NEBL: variants seen among roughly 807,000 people sequenced by gnomAD.
NEBL encodes the protein LIM and SH3 protein 2.
In NEBL, 122 loss-of-function variants were observed where a neutral mutation model predicts 140.2. That is an observed-to-expected ratio of 0.87 (90% confidence interval 0.75 to 1.01). The LOEUF is 1.01. Ranked by LOEUF, NEBL falls within the 50% of genes least tolerant of loss-of-function variation. The pLI, the probability that NEBL is intolerant of heterozygous loss-of-function variation, is 0.00. For synonymous variants in NEBL, 436 were observed against 398.9 expected (o/e 1.09, Z -1.11); for missense variants, 1,365 against 1,231.3 (o/e 1.11, Z -1.62).
In NEBL at chr10:20,933,590, C is replaced by T. The variant is rs182562266; in HGVS notation, c.357+28082G>A. On this transcript the variant is annotated intron_variant, in intron 4 of 6. Transcript: ENST00000417816. ...TTCTACTAAAAATACAAAAATTAGC[C>T]GGGTGTGGTGGCACGTGCCTGTAAT... Among the ~76,000 whole-genome samples the T allele has an allele frequency of 9.0e-4, 126 of 140,742 alleles. 1 individual carries two copies. The highest frequency in any genetic ancestry group is 2.9e-3 in the African/African-American group (115 of 39,488). 92.3% of individuals were successfully genotyped at this position (140,742 alleles called of 152,430 possible). A position where few individuals can be genotyped will look rare whatever the true frequency, so the allele number is the denominator to read the frequency against.
chr10:20,930,443 C>A (rs1361027589), intron 4 of NEBL, among the ~76,000 whole-genome samples: 1 of 152,170 alleles, frequency 6.6e-6, no homozygotes, highest in African/African-American at 2.4e-5. Context: ...ACCATAAAAC[C>A]CATTTTTCCT....
chr10:21,264,280 C>T (rs1490542158), intron 1 of NEBL, among the ~76,000 whole-genome samples: 19 of 152,024 alleles, frequency 1.2e-4, no homozygotes, highest in Admixed American at 1.2e-3. Flanking sequence ...AAGAGCATCT[C>T]TCATCTGCCC....
chr10:20,836,353 G>C (rs551722430), intron 13 of NEBL, among the ~76,000 whole-genome samples: 2 of 151,960 alleles, frequency 1.3e-5, no homozygotes, highest in Non-Finnish European at 2.9e-5. Context: ...CTCCCGAATA[G>C]CTGGGACTAC....
At chr10:20,818,700 T>C (rs1438947825) in intron 20 of NEBL, 4 of 760,154 alleles carry the variant, frequency 5.3e-6, no homozygotes, top group Non-Finnish European at 4.8e-6. Context: ...AAAGTGGGTC[T>C]TACCCATCTT....
intron 12 of NEBL, among the ~76,000 whole-genome samples, chr10:20,843,275 G>A (rs1427632934): frequency 1.3e-5 from 2 of 151,988 alleles, no homozygotes; most frequent in East Asian, 3.8e-4. Context: ...CCTTGATCTT[G>A]GACTTCCCAG....
chr10:21,245,230 A>G (rs1842500519), intron 3 of NEBL, among the ~76,000 whole-genome samples: 1 of 152,220 alleles, frequency 6.6e-6, no homozygotes, highest in African/African-American at 2.4e-5. Flanking sequence ...TCTGGGAAGA[A>G]GGAGAGAATA....
intron 3 of NEBL, among the ~76,000 whole-genome samples, chr10:21,209,302 A>G (rs891759097): frequency 3.3e-5 from 5 of 152,216 alleles, no homozygotes; most frequent in Admixed American, 3.3e-4. Flanking sequence ...TGCCAGATAA[A>G]ACACAGGACG....
intron 11 of NEBL, among the ~76,000 whole-genome samples, chr10:20,845,910 A>T (rs1841892076): frequency 6.6e-6 from 1 of 152,124 alleles, no homozygotes; most frequent in Non-Finnish European, 1.5e-5. Context: ...AGTTGAGAAT[A>T]TTTCTCTACC....
intron 2 of NEBL, among the ~76,000 whole-genome samples, chr10:21,149,770 G>C (rs930846052): frequency 2.0e-5 from 3 of 152,198 alleles, no homozygotes; most frequent in Non-Finnish European, 4.4e-5. Flanking sequence ...AGTGGGTGAC[G>C]GGGGCGGTCT....
rs902697228 is a variant in NEBL at position 20,780,079 on chromosome 10, T to C, written c.*5668A>G. ...GAGAAAGTTTTACAAAATAATACAA[T>C]AAGACTAGCATCCAAATCGCATAGA... On this transcript the variant is annotated 3_prime_UTR_variant, in exon 28 of 28. Coordinates refer to ENST00000377122, the MANE Select transcript of NEBL (RefSeq NM_006393.3). The C allele has an allele frequency of 2.0e-5, 3 of 152,142 alleles. No individual in the cohort carries two copies. Among genetic ancestry groups the C allele is most frequent in the Non-Finnish European group, 4.4e-5 (3 of 68,018 alleles). The allele number at this position is 152,142 out of a possible 1,614,324, so 9.4% of individuals were successfully genotyped here. A position where few individuals can be genotyped will look rare whatever the true frequency, so the allele number is the denominator to read the frequency against.
At chr10:20,828,380 T>C in intron 17 of NEBL, 150 bp downstream of exon 17, 1 of 567,756 alleles carries the variant, frequency 1.8e-6, no homozygotes, top group South Asian at 2.4e-5. Context: ...AAATTATCAG[T>C]ATTCTTATTA....
intron 3 of NEBL, among the ~76,000 whole-genome samples, chr10:21,014,150 G>A (rs1838464470): frequency 6.6e-6 from 1 of 151,664 alleles, no homozygotes; most frequent in Non-Finnish European, 1.5e-5. Flanking sequence ...TAGATTTAGG[G>A]TCTCACTCTG....
At chr10:21,104,034 G>C (rs1391118340) in intron 2 of NEBL, among the ~76,000 whole-genome samples, 3 of 152,078 alleles carry the variant, frequency 2.0e-5, no homozygotes, top group Non-Finnish European at 4.4e-5. Flanking sequence ...AATTGTTCCT[G>C]CACCCCTTGT....
chr10:20,805,261 GAT>G (rs1649569335), intron 26 of NEBL, among the ~76,000 whole-genome samples: 1 of 152,194 alleles, frequency 6.6e-6, no homozygotes, highest in Non-Finnish European at 1.5e-5. Context: ...TATAAGGTTT[GAT>G]ATATGTCACT....
chr10:20,796,942 A>C (rs902447446), intron 26 of NEBL, among the ~76,000 whole-genome samples: 4 of 152,350 alleles, frequency 2.6e-5, no homozygotes, highest in African/African-American at 4.8e-5. Context: ...ACAAGACAGA[A>C]AGAAAAGAAA....
intron 4 of NEBL, among the ~76,000 whole-genome samples, chr10:20,949,759 A>G (rs1441465051): frequency 1.3e-5 from 2 of 152,050 alleles, no homozygotes; most frequent in East Asian, 3.9e-4. Flanking sequence ...TCTGCTGAGG[A>G]CGTCTTTATT....
chr10:20,942,427 C>A (rs1400666735), intron 4 of NEBL, among the ~76,000 whole-genome samples: 2 of 152,114 alleles, frequency 1.3e-5, no homozygotes, highest in Non-Finnish European at 2.9e-5. Context: ...ACACCTTATA[C>A]AAAAATTAAT....
At chr10:20,831,042 G>C (rs549430760) in intron 16 of NEBL, 154 bp downstream of exon 16, 1 of 678,162 alleles carries the variant, frequency 1.5e-6, no homozygotes, top group East Asian at 2.7e-5. Flanking sequence ...TAATTAGTAC[G>C]GTTAATCAAG....
rs368307729 is a variant in NEBL, at chr10:21,262,616, A to C, written n.183-10788T>G. On this transcript the variant is annotated intron_variant and non_coding_transcript_variant, in intron 1 of 8. Coordinates refer to the NEBL transcript ENST00000675702. ...CTGAATTTTCTCTCAGGAAGTGATC[A>C]AAATCAAGGTCACAATTTTTAAAAG... Among the ~76,000 whole-genome samples the C allele has an allele frequency of 1.4e-4, 21 of 152,374 alleles. No homozygotes were observed. In the East Asian group the frequency reaches 3.7e-3, roughly 27 times the overall value.
Sources: gnomAD v4.1 joint callset for allele counts (sites outside exome capture counted in the v4.1 genomes callset) on GRCh38, gnomAD v4.1.1 for gene constraint, MANE v1.5 for transcripts, NCBI Gene and HGNC (gene_info 2026-07-23, HGNC 2026-07-21) for gene names.